SEL1L2: variants seen among roughly 807,000 people sequenced by gnomAD.
SEL1L2 encodes SEL1L2 adaptor subunit of SYVN1 ubiquitin ligase, also known as protein sel-1 homolog 2.
SEL1L2 carries 89 observed loss-of-function variants against 98.8 expected under a neutral mutation model. The ratio of observed to expected loss-of-function variants is 0.90; its 90% CI spans 0.76 to 1.07. The LOEUF (loss-of-function observed/expected upper bound fraction) is 1.07. Ranked by LOEUF, SEL1L2 falls within the 50% of genes least tolerant of loss-of-function variation. The pLI is 0.00. For synonymous variants in SEL1L2, 262 were observed against 278.5 expected, an observed-to-expected ratio of 0.94 and a Z score of 0.59; for missense variants, 788 against 812.0, an observed-to-expected ratio of 0.97 and a Z score of 0.36.
intron 3 of SEL1L2, among the ~76,000 whole-genome samples, chr20:13,930,869 AT>A (rs35143857): frequency 0.042 from 6,411 of 152,058 alleles, 192 homozygotes; most frequent in Middle Eastern, 0.082. Context: ...AGAAGAACAC[AT>A]TTTGTGATTA....
At chr20:13,895,230 C>A (rs1176608079) in intron 5 of SEL1L2, among the ~76,000 whole-genome samples, 1 of 152,076 alleles carries the variant, frequency 6.6e-6, no homozygotes, top group Admixed American at 6.6e-5. Context: ...ATTGCATGAG[C>A]TCACGAGTTT....
At chr20:13,906,343 TC>T (rs1026826488) in intron 5 of SEL1L2, among the ~76,000 whole-genome samples, 6 of 152,206 alleles carry the variant, frequency 3.9e-5, no homozygotes, top group Non-Finnish European at 7.3e-5. Context: ...TAAATATTCC[TC>T]CTTCTACTTT....
At chr20:13,878,918 G>T (rs1213958105) in intron 10 of SEL1L2, among the ~76,000 whole-genome samples, 1 of 152,110 alleles carries the variant, frequency 6.6e-6, no homozygotes, top group African/African-American at 2.4e-5. Context: ...ACTCCATAAG[G>T]AATTAGAAGG....
intron 3 of SEL1L2, among the ~76,000 whole-genome samples, chr20:13,929,813 C>T (rs556175249): frequency 9.3e-5 from 14 of 150,412 alleles, no homozygotes; most frequent in South Asian, 8.4e-4. Context: ...TTTTTTGAGA[C>T]GGGGTCTCCC....
At chr20:13,977,406 C>A (rs1031173071) in intron 1 of SEL1L2, among the ~76,000 whole-genome samples, 3 of 152,140 alleles carry the variant, frequency 2.0e-5, no homozygotes, top group African/African-American at 7.2e-5. Flanking sequence ...CAGAAGTTAG[C>A]AGAAAGAACA....
upstream of SEL1L2, among the ~76,000 whole-genome samples, chr20:13,991,273 C>G (rs967882069): frequency 2.6e-5 from 4 of 152,212 alleles, no homozygotes; most frequent in African/African-American, 9.7e-5. Context: ...CTTTTACAGT[C>G]TGTCCAGGTC....
At chr20:13,937,604 C>T (rs1217228219) in intron 2 of SEL1L2, among the ~76,000 whole-genome samples, 1 of 152,196 alleles carries the variant, frequency 6.6e-6, no homozygotes. Flanking sequence ...TGACAAGAAC[C>T]TGGGTTTTAG....
chr20:13,870,457 G>A (rs944368347), intron 12 of SEL1L2, among the ~76,000 whole-genome samples: 2 of 152,178 alleles, frequency 1.3e-5, no homozygotes, highest in South Asian at 2.1e-4. Flanking sequence ...CTTGTTTTGT[G>A]TATGATTCCA....
chr20:13,850,829 G>A (rs917098673), intron 18 of SEL1L2, among the ~76,000 whole-genome samples: 2 of 152,132 alleles, frequency 1.3e-5, no homozygotes, highest in African/African-American at 2.4e-5. Flanking sequence ...GCTGTTTTAG[G>A]TCCCCAAATT....
intron 2 of SEL1L2, among the ~76,000 whole-genome samples, chr20:13,936,049 C>G (rs1275791464): frequency 6.6e-6 from 1 of 152,220 alleles, no homozygotes. Flanking sequence ...CATCTATAGA[C>G]TAGCTATAGC....
intron 12 of SEL1L2, among the ~76,000 whole-genome samples, chr20:13,874,070 AAG>A (rs1289485790): frequency 2.0e-5 from 3 of 152,140 alleles, no homozygotes; most frequent in African/African-American, 7.2e-5. Flanking sequence ...GACTTAGAAT[AAG>A]AGAGTCTGGG....
At chr20:13,888,435 A>G (rs1212357412) in intron 6 of SEL1L2, 24 bp downstream of exon 6, 4 of 1,464,810 alleles carry the variant, frequency 2.7e-6, no homozygotes, top group African/African-American at 1.4e-5. Flanking sequence ...ATTTTGTTCC[A>G]GAATAAAACA....
At chr20:13,869,617 C>T in intron 13 of SEL1L2, 27 bp from the exon 14 acceptor site, 1 of 1,567,128 alleles carries the variant, frequency 6.4e-7, no homozygotes, top group Non-Finnish European at 8.8e-7. Flanking sequence ...CTCTATTACT[C>T]AAAGGCACAA....
intron 1 of SEL1L2, among the ~76,000 whole-genome samples, chr20:13,979,328 T>C (rs781147502): frequency 6.6e-6 from 1 of 152,154 alleles, no homozygotes; most frequent in Non-Finnish European, 1.5e-5. Context: ...AGAAATAAAT[T>C]CTAGTGTTCT....
chr20:13,885,283 C>G, intron 10 of SEL1L2, 64 bp downstream of exon 10: 1 of 1,061,918 alleles, frequency 9.4e-7, no homozygotes, highest in Non-Finnish European at 1.5e-6. Flanking sequence ...CTTTCACTTC[C>G]CTGCCAGCCT....
chr20:13,888,544 A>G, intron 5 of SEL1L2, 32 bp from the exon 6 acceptor site: 4 of 1,230,806 alleles, frequency 3.2e-6, no homozygotes, highest in Non-Finnish European at 4.7e-6. Flanking sequence ...AAAATTTAAT[A>G]AATCAATTTA....
chr20:13,903,734 C>G (rs889301584), intron 5 of SEL1L2, among the ~76,000 whole-genome samples: 14 of 151,962 alleles, frequency 9.2e-5, no homozygotes, highest in African/African-American at 3.1e-4. Context: ...TCACTTGAAC[C>G]CGGGGGGGAG....
upstream of SEL1L2, among the ~76,000 whole-genome samples, chr20:13,994,168 T>C (rs2148600153): frequency 6.6e-6 from 1 of 151,968 alleles, no homozygotes; most frequent in Middle Eastern, 3.4e-3. Flanking sequence ...TGGTGGCGCA[T>C]GCCTGTAATC....
Position 13,849,466 on chromosome 20 carries a change from T to C in SEL1L2, c.*19A>G. ...GAGTGAACTGATTCCCGTGAGCAGG[T>C]TTTCCTGTGATCCGCATCCTACCCA... is the stretch of plus-strand genomic sequence containing the variant. On this transcript the variant is annotated 3_prime_UTR_variant, in exon 20 of 20. Transcript: ENST00000284951. 1 of 1,612,692 alleles carries C rather than the reference T, an allele frequency of 6.2e-7. No individual in the cohort carries two copies. The highest frequency in any genetic ancestry group is 8.5e-7 in the Non-Finnish European group (1 of 1,179,216).
Sources: gnomAD v4.1 joint callset for allele counts (sites outside exome capture counted in the v4.1 genomes callset) on GRCh38, gnomAD v4.1.1 for gene constraint, MANE v1.5 for transcripts, NCBI Gene and HGNC (gene_info 2026-07-23, HGNC 2026-07-21) for gene names.